The following LRRN2 variants were observed in gnomAD, a reference collection of about 807,000 sequenced individuals.
The protein encoded by LRRN2 is leucine rich repeat neuronal 2.
A neutral mutation model predicts 35.7 loss-of-function variants in LRRN2; 10 were observed. The observed-to-expected ratio is 0.28, with a 90% confidence interval of 0.17 to 0.47. The LOEUF (loss-of-function observed/expected upper bound fraction) is 0.47, where lower values mean the gene tolerates loss of function less well. LRRN2 is among the 20% of genes least tolerant of loss of function. The probability of loss-of-function intolerance (pLI) is 0.99; values close to 1 mark genes in which losing one functional copy is unlikely to be tolerated. For synonymous variants in LRRN2, 391 were observed against 409.6 expected, an observed-to-expected ratio of 0.95 and a Z score of 0.55; for missense variants, 731 against 940.3, an observed-to-expected ratio of 0.78 and a Z score of 2.91.
At chr1:204,648,569 A>G (rs28494033) in intron 1 of LRRN2, among the ~76,000 whole-genome samples, 1 of 152,184 alleles carries the variant, frequency 6.6e-6, no homozygotes, top group East Asian at 1.9e-4. Context: ...GTTTTATTCA[A>G]GGGAGGCTTC....
At chr1:204,621,872 CACAA>C (rs1473596654) in intron 1 of LRRN2, 5 of 167,134 alleles carry the variant, frequency 3.0e-5, no homozygotes, top group African/African-American at 9.6e-5. Context: ...CAAGGAAATG[CACAA>C]ACACTTACTG....
At position 204,671,393 on chromosome 1, in the gene LRRN2, GTT is replaced by G. The variant is rs1491339319; in HGVS notation, c.-227+13925_-227+13926del. Among the ~76,000 whole-genome samples the G allele has an allele frequency of 2.5e-3, 353 of 142,332 alleles. 5 individuals carry two copies. The highest frequency in any genetic ancestry group is 9.2e-3 in the African/African-American group (336 of 36,436). The allele number at this position is 142,332 out of a possible 152,430, so 93.4% of individuals were successfully genotyped here. On this transcript the variant is annotated intron_variant, in intron 1 of 1. Transcript: ENST00000367177. ...GGTGAGTTTGTAGAAGTAGCAATCTGTTTGTGTGTTTGTGTGTGTGTGTGTGT... is the reference window on the plus strand; with the variant it reads ...GGTGAGTTTGTAGAAGTAGCAATCTGTGTGTGTTTGTGTGTGTGTGTGTGT...
intron 1 of LRRN2, among the ~76,000 whole-genome samples, chr1:204,665,997 G>C (rs1265253354): frequency 6.6e-6 from 1 of 152,250 alleles, no homozygotes; most frequent in Non-Finnish European, 1.5e-5. Flanking sequence ...CACCTGCTGG[G>C]AGGGTGGTGG....
chr1:204,661,516 T>G (rs1384263864), intron 1 of LRRN2, among the ~76,000 whole-genome samples: 4 of 152,222 alleles, frequency 2.6e-5, no homozygotes, highest in African/African-American at 4.8e-5. Flanking sequence ...AATGCAGATT[T>G]CTGGCCAGCC....
rs778221517 is a variant in LRRN2 at position 204,618,397 on chromosome 1, C to T, written c.1596G>A (p.Arg532=). 34 of 1,612,466 alleles carry T rather than the reference C, an allele frequency of 2.1e-5. No individual in the cohort carries two copies. The highest frequency in any genetic ancestry group is 2.9e-5 in the Non-Finnish European group (34 of 1,178,888). Residue 532 remains arginine (R), a synonymous_variant, in exon 2 of 2, where the codon CGG becomes CGA. Transcript: ENST00000367177. ...TGTGATAGGGGTGGGTCTCCTGCAC[C>T]CGGAGCTCCAGCCCCTGTCCTTCGT... The part of the protein sequence containing the change: ...GRDEGQGLEL[R]VQETHPYHIL...
chr1:204,661,811 G>A (rs1668479009), intron 1 of LRRN2, among the ~76,000 whole-genome samples: 1 of 152,134 alleles, frequency 6.6e-6, no homozygotes, highest in South Asian at 2.1e-4. Flanking sequence ...GGAAACGAGG[G>A]GCTGCTCTCT....
At chr1:204,660,309 G>A (rs893075267) in intron 1 of LRRN2, among the ~76,000 whole-genome samples, 2 of 151,996 alleles carry the variant, frequency 1.3e-5, no homozygotes, top group African/African-American at 2.4e-5. Flanking sequence ...ATCTCCCCTT[G>A]CCTTTTCTGT....
intron 1 of LRRN2, among the ~76,000 whole-genome samples, chr1:204,650,591 T>A (rs1268608616): frequency 6.6e-6 from 1 of 152,130 alleles, no homozygotes; most frequent in Non-Finnish European, 1.5e-5. Flanking sequence ...GGGGTTGCTT[T>A]GCCTACCTGA....
chr1:204,621,061 C>T (rs1043539120), intron 1 of LRRN2: 2 of 167,050 alleles, frequency 1.2e-5, no homozygotes, highest in Admixed American at 1.3e-4. Flanking sequence ...TTCTGCTGCC[C>T]AGGATCTTCT....
intron 1 of LRRN2, among the ~76,000 whole-genome samples, chr1:204,631,121 C>G (rs1387541618): frequency 1.4e-5 from 2 of 141,252 alleles, no homozygotes; most frequent in Non-Finnish European, 3.2e-5. Context: ...AGTCTAGTCA[C>G]CTGTGTTTGA....
chr1:204,665,665 T>C (rs1487825283), intron 1 of LRRN2, among the ~76,000 whole-genome samples: 1 of 152,198 alleles, frequency 6.6e-6, no homozygotes, highest in East Asian at 1.9e-4. Flanking sequence ...GTTGGCTCTC[T>C]TGTCACCTCA....
At position 204,618,550 on chromosome 1, in the gene LRRN2, G is replaced by C; in HGVS notation, c.1443C>G (p.Thr481=). 1 of 1,614,126 alleles carries C rather than the reference G, an allele frequency of 6.2e-7. No homozygotes were observed. The highest frequency in any genetic ancestry group is 8.5e-7 in the Non-Finnish European group (1 of 1,180,040). ...CTGCTGTCACCCTCCGCAGCTCCAG[G>C]GTCCCCTCGGGGTACACCCGGTACC... The part of the protein sequence containing the change: ...GRRYRVYPEG[T]LELRRVTAEE... The change falls in exon 2 of 2, where the codon ACC becomes ACG. Residue 481 remains threonine, a synonymous_variant. Coordinates refer to ENST00000367177, the MANE Select transcript of LRRN2 (RefSeq NM_201630.2).
intron 1 of LRRN2, among the ~76,000 whole-genome samples, chr1:204,650,650 G>T (rs946259977): frequency 6.6e-6 from 1 of 152,178 alleles, no homozygotes; most frequent in African/African-American, 2.4e-5. Flanking sequence ...CCTTGGACCT[G>T]CCAGAAGTTC....
intron 1 of LRRN2, among the ~76,000 whole-genome samples, chr1:204,642,566 C>T (rs547229311): frequency 6.6e-6 from 1 of 152,250 alleles, no homozygotes; most frequent in African/African-American, 2.4e-5. Flanking sequence ...AACTTTCAAA[C>T]AGTCCCCAAT....
At chr1:204,623,880 G>A (rs1445449369) in intron 1 of LRRN2, among the ~76,000 whole-genome samples, 1 of 152,174 alleles carries the variant, frequency 6.6e-6, no homozygotes, top group African/African-American at 2.4e-5. Flanking sequence ...AACACGCATT[G>A]CATTTAATCC....
In LRRN2 at chr1:204,634,057, C is replaced by T. The variant is rs187386035; in HGVS notation, c.-226-13839G>A. 5.3e-5 allele frequency among the ~76,000 whole-genome samples: 8 copies of T among 152,322 alleles called. No individual in the cohort carries two copies. In the East Asian group the frequency reaches 5.8e-4, roughly 11 times the overall value. ...AATAACAGGCATAATTCAATGACTG[C>T]GGCAAGTACAAAAGAGTGTAGGTTA... On this transcript the variant is annotated intron_variant, in intron 1 of 1. Transcript: ENST00000367177.
chr1:204,674,638 A>T (rs1668783933), intron 1 of LRRN2, among the ~76,000 whole-genome samples: 1 of 152,156 alleles, frequency 6.6e-6, no homozygotes, highest in South Asian at 2.1e-4. Context: ...AATGCTGCAT[A>T]AGCTTCACGA....
rs765666528 is a variant in LRRN2, at chr1:204,619,090, G to A, written c.903C>T (p.Ile301=). The A allele has an allele frequency of 6.2e-6, 10 of 1,607,636 alleles. No individual in the cohort carries two copies. The highest frequency in any genetic ancestry group is 4.4e-5 in the South Asian group (4 of 90,452). ...GLNNMEELVS[I]DKFALVNLPE... ...GGAGGTTCACCAGGGCAAACTTGTC[G>A]ATGGAGACCAGCTCCTCCATGTTGT... The change falls in exon 2 of 2, where the codon ATC becomes ATT. Residue 301 remains isoleucine, a synonymous_variant. Transcript: ENST00000367177.
chr1:204,631,846 GTGA>G lies in LRRN2; in HGVS notation c.-226-11631_-226-11629del, dbSNP rs546238370. Among the ~76,000 whole-genome samples, 82 of 152,276 alleles carry G rather than the reference GTGA, an allele frequency of 5.4e-4. No homozygotes were observed. In the East Asian group the frequency reaches 0.011, roughly 20 times the overall value. On this transcript the variant is annotated intron_variant, in intron 1 of 1. Transcript: ENST00000367177. Reference sequence around the variant, plus strand: ...CGTGGGTCTTGAGAGTGTGGGTGATGTGATGAAGATGTTGGAGCAGCAAGCCAG... The same window carrying G: ...CGTGGGTCTTGAGAGTGTGGGTGATGTGAAGATGTTGGAGCAGCAAGCCAG...
Sources: allele counts gnomAD v4.1 joint callset (sites outside exome capture counted in the v4.1 genomes callset), GRCh38; gene constraint gnomAD v4.1.1; transcripts MANE v1.5; gene names NCBI Gene and HGNC (gene_info 2026-07-23, HGNC 2026-07-21).